The following RIPK2 variants were observed in gnomAD, a reference collection of about 807,000 sequenced individuals.
RIPK2 encodes receptor interacting serine/threonine kinase 2.
Under a neutral mutation model 60.9 loss-of-function variants are expected in RIPK2, and 38 were observed. The ratio of observed to expected loss-of-function variants is 0.62; its 90% CI spans 0.48 to 0.82. RIPK2 has a LOEUF of 0.82. Among genes scored for constraint, RIPK2 ranks in the 40% least tolerant of loss-of-function variants. The probability of loss-of-function intolerance (pLI) is 0.00; values close to 1 mark genes in which losing one functional copy is unlikely to be tolerated. For missense variants in RIPK2, 518 were observed against 647.0 expected, an observed-to-expected ratio of 0.80 and a Z score of 2.16; for synonymous variants, 225 against 223.4, an observed-to-expected ratio of 1.01 and a Z score of -0.06.
chr8:89,784,043 ATTACAG>A lies in RIPK2; in HGVS notation c.940_945del. 2 of 1,474,424 alleles carry A rather than the reference ATTACAG, an allele frequency of 1.4e-6. No homozygotes were observed. Among genetic ancestry groups the A allele is most frequent in the Non-Finnish European group, 1.9e-6 (2 of 1,070,774 alleles). 91.3% of individuals were successfully genotyped at this position (1,474,424 alleles called of 1,614,324 possible). On this transcript the variant is annotated splice_acceptor_variant and splice_polypyrimidine_tract_variant and intron_variant, in intron 7 of 10. Coordinates refer to ENST00000220751, the MANE Select transcript of RIPK2 (RefSeq NM_003821.6). LOFTEE classifies it high-confidence loss of function. ...AAAGTGTATATATATTTATGTATTC[ATTACAG>A]TTACAGAGTGTTTCAAGTGCCATTC... is the stretch of plus-strand genomic sequence containing the variant.
Position 89,765,329 on chromosome 8 carries a change from A to G in RIPK2, c.328-12A>G, listed in dbSNP as rs779201774. ...CTAATTTCATTTTCTTTCTTTTCACATATATATGAAGAAAACTGAATATCC... is the reference window on the plus strand; with the variant it reads ...CTAATTTCATTTTCTTTCTTTTCACGTATATATGAAGAAAACTGAATATCC... On this transcript the variant is annotated splice_polypyrimidine_tract_variant and intron_variant, in intron 2 of 10. Coordinates refer to ENST00000220751, the MANE Select transcript of RIPK2 (RefSeq NM_003821.6). The G allele has an allele frequency of 1.5e-5, 24 of 1,584,942 alleles. No homozygotes were observed. Among genetic ancestry groups the G allele is most frequent in the African/African-American group, 2.7e-5 (2 of 73,754 alleles).
chr8:89,780,902 T>C (rs1809487808), intron 7 of RIPK2: 1 of 151,848 alleles, frequency 6.6e-6, no homozygotes, highest in Non-Finnish European at 1.5e-5. Flanking sequence ...TCAGTCTGAT[T>C]CTTGTGGGTC....
At chr8:89,762,256 A>C (rs915407807) in intron 1 of RIPK2, among the ~76,000 whole-genome samples, 1 of 152,164 alleles carries the variant, frequency 6.6e-6, no homozygotes, top group Non-Finnish European at 1.5e-5. Context: ...TTACCCCAGC[A>C]GTCTATTAAT....
intron 3 of RIPK2, among the ~76,000 whole-genome samples, chr8:89,767,785 G>T (rs1161768505): frequency 6.6e-6 from 1 of 151,720 alleles, no homozygotes; most frequent in Admixed American, 6.6e-5. Flanking sequence ...ATCCAATTTA[G>T]TTACTTCAGC....
At chr8:89,760,667 G>T (rs898732092) in intron 1 of RIPK2, among the ~76,000 whole-genome samples, 2 of 152,114 alleles carry the variant, frequency 1.3e-5, no homozygotes. Context: ...GTGACCATTA[G>T]AAAAGTATTA....
At chr8:89,780,283 G>C (rs527271889) in intron 7 of RIPK2, 123 bp downstream of exon 7, 2 of 485,148 alleles carry the variant, frequency 4.1e-6, no homozygotes, top group South Asian at 3.3e-5. Context: ...CTACAGTTTT[G>C]GAGTGAGAAA....
intron 3 of RIPK2, among the ~76,000 whole-genome samples, chr8:89,769,344 C>A (rs1246597340): frequency 1.3e-5 from 2 of 151,736 alleles, no homozygotes; most frequent in African/African-American, 2.4e-5. Context: ...ACTGTATAAA[C>A]CAGAATTGTA....
chr8:89,781,289 C>G (rs1311581284), intron 7 of RIPK2, among the ~76,000 whole-genome samples: 1 of 151,596 alleles, frequency 6.6e-6, no homozygotes, highest in African/African-American at 2.4e-5. Context: ...TTCACTGGCT[C>G]CACCACTTCT....
At chr8:89,780,253 A>G (rs1329117074) in intron 7 of RIPK2, 93 bp downstream of exon 7, 1 of 646,644 alleles carries the variant, frequency 1.5e-6, no homozygotes, top group African/African-American at 1.9e-5. Flanking sequence ...TTTAATATAT[A>G]TACTTTACAC....
At chr8:89,789,999 A>T in intron 10 of RIPK2, 80 bp from the exon 11 acceptor site, 1 of 1,015,654 alleles carries the variant, frequency 9.8e-7, no homozygotes, top group South Asian at 1.9e-5. Flanking sequence ...TTTATGCTTT[A>T]TTTATTTTTC....
chr8:89,759,541 T>C (rs1419534034), intron 1 of RIPK2: 5 of 392,766 alleles, frequency 1.3e-5, no homozygotes, highest in African/African-American at 8.3e-5. Flanking sequence ...TGTCTCTCAC[T>C]GTCAGGCTTC....
In RIPK2 at chr8:89,785,043, C is replaced by A. The variant is rs146132560; in HGVS notation, c.1029+904C>A. 7.9e-5 allele frequency among the ~76,000 whole-genome samples: 12 copies of A among 152,272 alleles called. No homozygotes were observed. The East Asian group carries it at 2.1e-3, about 27-fold the overall frequency. ...ATTCATGAGGGATCTTCCCCCATGA[C>A]CCAAACACCTCCCATTAAGCCCCAC... is the stretch of plus-strand genomic sequence containing the variant. On this transcript the variant is annotated intron_variant, in intron 8 of 10. Transcript: ENST00000220751.
At chr8:89,772,208 C>T (rs1254425165) in intron 5 of RIPK2, among the ~76,000 whole-genome samples, 3 of 151,966 alleles carry the variant, frequency 2.0e-5, no homozygotes, top group Non-Finnish European at 4.4e-5. Flanking sequence ...TAGCAAATAT[C>T]GAAGACTAAT....
chr8:89,768,505 T>C (rs573072241), intron 3 of RIPK2, among the ~76,000 whole-genome samples: 6 of 151,774 alleles, frequency 4.0e-5, no homozygotes, highest in African/African-American at 1.4e-4. Context: ...TAATCCGCGC[T>C]TTTGGAGAAC....
chr8:89,781,835 T>C (rs180851188), intron 7 of RIPK2, among the ~76,000 whole-genome samples: 1 of 152,294 alleles, frequency 6.6e-6, no homozygotes, highest in East Asian at 1.9e-4. Flanking sequence ...ATAGGCACAG[T>C]AATATATTAA....
At position 89,777,273 on chromosome 8, in the gene RIPK2, C is replaced by T. The variant is rs562060716; in HGVS notation, c.854-2802C>T. On this transcript the variant is annotated intron_variant, in intron 6 of 10. Transcript: ENST00000220751. ...CAGAGAAGTAAGTATTGCCTAATGG[C>T]ATGAACTTTAGAGGATCTAGAATTT... Among the ~76,000 whole-genome samples the T allele has an allele frequency of 2.0e-5, 3 of 152,252 alleles. No individual in the cohort carries two copies. In the South Asian group the frequency reaches 6.2e-4, roughly 32 times the overall value.
rs1200055351 is a variant in RIPK2, at chr8:89,758,059, C to T, written c.-2C>T. 3.8e-6 allele frequency: 6 copies of T among 1,593,198 alleles called. No individual in the cohort carries two copies. Among genetic ancestry groups the T allele is most frequent in the African/African-American group, 1.3e-5 (1 of 74,520 alleles). ...CCGGAACCGGCCTGAGCGCCCGGGA[C>T]CATGAACGGGGAGGCCATCTGCAGC... On this transcript the variant is annotated 5_prime_UTR_variant, in exon 1 of 11. Transcript: ENST00000220751.
intron 7 of RIPK2, among the ~76,000 whole-genome samples, chr8:89,782,531 GT>G: frequency 6.6e-6 from 1 of 152,146 alleles, no homozygotes; most frequent in East Asian, 1.9e-4. Flanking sequence ...TGAGCTAGGT[GT>G]GATGGTACAT....
At chr8:89,773,531 A>T (rs1809348115) in intron 6 of RIPK2, among the ~76,000 whole-genome samples, 1 of 152,136 alleles carries the variant, frequency 6.6e-6, no homozygotes, top group African/African-American at 2.4e-5. Flanking sequence ...AAAAGGTTAG[A>T]TTTTTATTCC....
Sources: gnomAD v4.1 joint callset for allele counts (sites outside exome capture counted in the v4.1 genomes callset) on GRCh38, gnomAD v4.1.1 for gene constraint, MANE v1.5 for transcripts, NCBI Gene and HGNC (gene_info 2026-07-23, HGNC 2026-07-21) for gene names.